MGAT4C: variants seen among roughly 807,000 people sequenced by gnomAD.
MGAT4C encodes MGAT4 family member C.
Under a neutral mutation model 40.1 loss-of-function variants are expected in MGAT4C, and 19 were observed. That is an observed-to-expected ratio of 0.47 (90% CI 0.33 to 0.70). The LOEUF (loss-of-function observed/expected upper bound fraction) is 0.70. Among genes scored for constraint, MGAT4C ranks in the 30% least tolerant of loss-of-function variants. MGAT4C has a pLI of 0.02. For missense variants in MGAT4C, 491 were observed against 563.2 expected (o/e 0.87, Z 1.30); for synonymous variants, 181 against 187.1 (o/e 0.97, Z 0.27).
intron 2 of MGAT4C, among the ~76,000 whole-genome samples, chr12:86,701,523 T>C (rs10858464): frequency 0.78 from 118,880 of 152,010 alleles, 47,720 homozygotes; most frequent in Middle Eastern, 0.88. Context: ...TTCTCACTGC[T>C]CCATCAACCA....
chr12:86,773,708 G>C (rs1442976890), intron 1 of MGAT4C, among the ~76,000 whole-genome samples: 1 of 151,684 alleles, frequency 6.6e-6, no homozygotes, highest in African/African-American at 2.4e-5. Context: ...TATAAGACAA[G>C]TGATATATGT....
At chr12:86,212,087 C>A (rs962624976) in intron 1 of MGAT4C, among the ~76,000 whole-genome samples, 1 of 152,064 alleles carries the variant, frequency 6.6e-6, no homozygotes, top group African/African-American at 2.4e-5. Context: ...AAGAGTATAG[C>A]CCTAGAATCA....
rs537284147 is a variant in MGAT4C, at chr12:86,716,742, T to A, written c.-229+10467A>T. Among the ~76,000 whole-genome samples, 5 of 152,244 alleles carry A rather than the reference T, an allele frequency of 3.3e-5. No individual in the cohort carries two copies. The East Asian group carries it at 9.7e-4, about 29-fold the overall frequency. On this transcript the variant is annotated intron_variant, in intron 2 of 7. Transcript: ENST00000548651. ...TAGCTGTCAACTGATGACAGATACA[T>A]GCCTTATAATAGGGAGATGCCAGTT...
intron 3 of MGAT4C, among the ~76,000 whole-genome samples, chr12:86,429,121 C>T (rs1022588129): frequency 4.0e-5 from 6 of 151,838 alleles, no homozygotes; most frequent in South Asian, 4.2e-4. Context: ...CTATTAGAAC[C>T]GCTTTTTGCT....
intron 1 of MGAT4C, among the ~76,000 whole-genome samples, chr12:86,098,307 A>G (rs536871906): frequency 6.6e-6 from 1 of 151,548 alleles, no homozygotes; most frequent in Non-Finnish European, 1.5e-5. Context: ...GTTTCTTGGT[A>G]ATTTGTTATT....
intron 3 of MGAT4C, among the ~76,000 whole-genome samples, chr12:86,395,301 A>T (rs1162178264): frequency 6.6e-6 from 1 of 152,176 alleles, no homozygotes; most frequent in African/African-American, 2.4e-5. Context: ...GTTCTGGCTT[A>T]TTTTGAAAGA....
At chr12:86,032,393 G>A (rs1182133445) in intron 2 of MGAT4C, among the ~76,000 whole-genome samples, 2 of 150,332 alleles carry the variant, frequency 1.3e-5, no homozygotes, top group African/African-American at 2.4e-5. Flanking sequence ...GTATACAAGC[G>A]TTCCCTTTTC....
chr12:86,466,214 A>AG (rs1957680970), intron 2 of MGAT4C, among the ~76,000 whole-genome samples: 1 of 151,470 alleles, frequency 6.6e-6, no homozygotes. Flanking sequence ...CCGTCAAAAA[A>AG]AAACAAAAAC....
rs181568985 is a variant in MGAT4C, at chr12:86,038,481, C to T, written c.-7+11193G>A. ...TTAGCTCTTCCTGTTGCATTGATCC[C>T]TTTACCATTATGTAATGCCCTTCTT... is the stretch of plus-strand genomic sequence containing the variant. On this transcript the variant is annotated intron_variant, in intron 2 of 4. Coordinates refer to ENST00000611864, the MANE Select transcript of MGAT4C (RefSeq NM_001351288.2). Among the ~76,000 whole-genome samples the T allele has an allele frequency of 4.3e-3, 651 of 149,944 alleles. 12 individuals carry two copies. Among genetic ancestry groups the T allele is most frequent in the African/African-American group, 0.015 (626 of 41,362 alleles).
chr12:86,631,539 A>G (rs1461308430), intron 2 of MGAT4C, among the ~76,000 whole-genome samples: 2 of 152,104 alleles, frequency 1.3e-5, no homozygotes, highest in East Asian at 3.9e-4. Context: ...ACAGAATGGT[A>G]CTGGTACCAA....
chr12:86,053,284 G>A (rs1183487086), intron 1 of MGAT4C, among the ~76,000 whole-genome samples: 1 of 151,380 alleles, frequency 6.6e-6, no homozygotes, highest in Non-Finnish European at 1.5e-5. Flanking sequence ...ATGACTAAGA[G>A]ACAAATTAAT....
chr12:86,385,140 G>T (rs562950468), intron 3 of MGAT4C, among the ~76,000 whole-genome samples: 23 of 152,218 alleles, frequency 1.5e-4, no homozygotes, highest in East Asian at 9.6e-4. Flanking sequence ...CACACAGTAG[G>T]TGCTCAATAA....
chr12:86,633,783 T>C (rs2136509887), intron 2 of MGAT4C, among the ~76,000 whole-genome samples: 1 of 152,254 alleles, frequency 6.6e-6, no homozygotes, highest in Admixed American at 6.5e-5. Flanking sequence ...GATTTAATCA[T>C]ATTTTGTTTT....
chr12:86,771,508 GA>G (rs1160749057), intron 1 of MGAT4C, among the ~76,000 whole-genome samples: 3 of 152,018 alleles, frequency 2.0e-5, no homozygotes, highest in African/African-American at 7.2e-5. Context: ...GATAGCTGTA[GA>G]AAAAGTCTCT....
chr12:86,347,659 C>T (rs2136189316), intron 3 of MGAT4C, among the ~76,000 whole-genome samples: 1 of 152,262 alleles, frequency 6.6e-6, no homozygotes. Flanking sequence ...CACATATTTA[C>T]TTCTGGTTCT....
chr12:86,731,612 G>T (rs181477326), intron 1 of MGAT4C, among the ~76,000 whole-genome samples: 3 of 151,530 alleles, frequency 2.0e-5, no homozygotes, highest in Non-Finnish European at 4.4e-5. Context: ...ATATTAGGAG[G>T]CTCCAGCTTG....
chr12:86,331,138 A>G (rs1470822263), intron 4 of MGAT4C, among the ~76,000 whole-genome samples: 1 of 152,132 alleles, frequency 6.6e-6, no homozygotes, highest in Non-Finnish European at 1.5e-5. Flanking sequence ...GAAAGGAAGT[A>G]AAGTATACTT....
intron 4 of MGAT4C, among the ~76,000 whole-genome samples, chr12:86,269,020 ATATATATATATAT>A (rs1952870675): frequency 2.5e-4 from 3 of 11,786 alleles, no homozygotes; most frequent in Admixed American, 7.8e-4. Flanking sequence ...TTACATATAT[ATATATATATATAT>A]ATATATATAT....
At chr12:86,043,071 T>C (rs776632956) in intron 2 of MGAT4C, among the ~76,000 whole-genome samples, 3 of 152,114 alleles carry the variant, frequency 2.0e-5, no homozygotes, top group Non-Finnish European at 2.9e-5. Context: ...TCATCTTATG[T>C]AGTATCTCAC....
Sources: gnomAD v4.1 joint callset for allele counts (sites outside exome capture counted in the v4.1 genomes callset) on GRCh38, gnomAD v4.1.1 for gene constraint, MANE v1.5 for transcripts, NCBI Gene and HGNC (gene_info 2026-07-23, HGNC 2026-07-21) for gene names.